SULT1A1: variants seen among roughly 807,000 people sequenced by gnomAD.
SULT1A1 encodes the protein sulfotransferase 1A1.
A neutral mutation model predicts 36.8 loss-of-function variants in SULT1A1; 35 were observed. The ratio of observed to expected loss-of-function variants is 0.95; its 90% CI spans 0.73 to 1.26. SULT1A1 has a LOEUF of 1.26. SULT1A1 is among the 50% of genes most tolerant of loss of function. The pLI, the probability that SULT1A1 is intolerant of heterozygous loss-of-function variation, is 0.00. For missense variants in SULT1A1, 309 were observed against 383.0 expected (o/e 0.81, Z 1.61); for synonymous variants, 119 against 146.0 (o/e 0.82, Z 1.33).
intron 1 of SULT1A1, 153 bp from the exon 2 acceptor site, chr16:28,609,012 A>C: frequency 6.5e-7 from 1 of 1,540,372 alleles, no homozygotes; most frequent in South Asian, 1.2e-5. Context: ...GCTGGGGCTG[A>C]AAACCAGGTC....
intron 1 of SULT1A1, among the ~76,000 whole-genome samples, chr16:28,622,069 T>C (rs2047667114): frequency 6.6e-6 from 1 of 152,198 alleles, no homozygotes. Context: ...GGAGAAGCTA[T>C]AGCTTCATGA....
intron 2 of SULT1A1, 26 bp from the exon 3 acceptor site, chr16:28,608,629 G>T (rs768429034): frequency 4.3e-6 from 7 of 1,611,484 alleles, no homozygotes; most frequent in Non-Finnish European, 5.1e-6. Context: ...GATGGGAGGT[G>T]AGCAGGCTGA....
chr16:28,616,519 C>T (rs1354423118), intron 2 of SULT1A1, among the ~76,000 whole-genome samples: 1 of 152,134 alleles, frequency 6.6e-6, no homozygotes, highest in African/African-American at 2.4e-5. Flanking sequence ...AACTCCTGAC[C>T]TCAAGTGATC....
At chr16:28,609,534 C>T (rs2047366813) in intron 1 of SULT1A1, 1 of 678,492 alleles carries the variant, frequency 1.5e-6, no homozygotes, top group Non-Finnish European at 2.2e-6. Context: ...GAGGCTGAGG[C>T]CAGGAGTTGG....
intron 2 of SULT1A1, among the ~76,000 whole-genome samples, chr16:28,616,208 C>T (rs1041736331): frequency 4.6e-5 from 7 of 152,012 alleles, no homozygotes; most frequent in African/African-American, 7.3e-5. Flanking sequence ...GATTATTGAG[C>T]GAGGGTTATT....
At chr16:28,609,344 A>T (rs752833575) in intron 1 of SULT1A1, 1 of 1,290,558 alleles carries the variant, frequency 7.7e-7, no homozygotes, top group Non-Finnish European at 1.0e-6. Context: ...CAGGCCAGCC[A>T]GGCCTGTGAT....
At chr16:28,609,053 C>G in intron 1 of SULT1A1, 194 bp from the exon 2 acceptor site, 3 of 1,473,894 alleles carry the variant, frequency 2.0e-6, no homozygotes, top group Non-Finnish European at 2.7e-6. Flanking sequence ...CCCAGCCTGG[C>G]CTCACCTTTC....
chr16:28,619,973 T>C (rs2047618350), intron 2 of SULT1A1: 2 of 1,161,048 alleles, frequency 1.7e-6, no homozygotes, highest in African/African-American at 1.6e-5. Context: ...ATTGTATATG[T>C]ATATATATTG....
chr16:28,617,396 C>T (rs775668390), intron 2 of SULT1A1, among the ~76,000 whole-genome samples: 1 of 152,158 alleles, frequency 6.6e-6, no homozygotes, highest in African/African-American at 2.4e-5. Flanking sequence ...CATTTCTCAT[C>T]GAACTCTAGT....
upstream of SULT1A1, chr16:28,610,519 C>T (rs2047411374): frequency 3.3e-6 from 1 of 306,058 alleles, no homozygotes; most frequent in South Asian, 2.7e-5. Context: ...CCATGCACTC[C>T]AGGCTCTGAC....
upstream of SULT1A1, chr16:28,610,777 A>C (rs1391064155): frequency 6.5e-6 from 1 of 152,806 alleles, no homozygotes; most frequent in Non-Finnish European, 1.5e-5. Flanking sequence ...AGACCAGAGG[A>C]GGCCGAGGTT....
chr16:28,609,023 G>C, intron 1 of SULT1A1, 164 bp from the exon 2 acceptor site: 3 of 1,521,032 alleles, frequency 2.0e-6, no homozygotes, highest in South Asian at 1.3e-5. Context: ...AAACCAGGTC[G>C]GGCTCTAATG....
intron 3 of SULT1A1, 44 bp downstream of exon 3, chr16:28,608,434 C>T (rs2047309188): frequency 6.2e-7 from 1 of 1,612,444 alleles, no homozygotes; most frequent in Non-Finnish European, 8.5e-7. Context: ...AGCCCCAGCC[C>T]TGTCTTCCTC....
intron 2 of SULT1A1, among the ~76,000 whole-genome samples, chr16:28,616,442 A>G (rs1003785232): frequency 2.6e-5 from 4 of 152,058 alleles, no homozygotes; most frequent in Non-Finnish European, 4.4e-5. Flanking sequence ...GTGCGCCACC[A>G]TGCCTGGCTA....
intron 1 of SULT1A1, among the ~76,000 whole-genome samples, chr16:28,621,781 C>T (rs1371991403): frequency 6.6e-6 from 1 of 152,018 alleles, no homozygotes; most frequent in East Asian, 1.9e-4. Flanking sequence ...TCCCCAGTTA[C>T]CCACCCCATC....
chr16:28,620,801 A>G (rs1458838367), intron 1 of SULT1A1, among the ~76,000 whole-genome samples: 1 of 152,064 alleles, frequency 6.6e-6, no homozygotes, highest in Non-Finnish European at 1.5e-5. Context: ...TTGAAATTTT[A>G]ATTTCTATCT....
exon 2 of SULT1A1, chr16:28,620,127 C>T (rs769958483): frequency 2.5e-6 from 4 of 1,612,784 alleles, no homozygotes; most frequent in Non-Finnish European, 3.4e-6. Flanking sequence ...CTGGAGAATG[C>T]TCATACCTAT....
chr16:28,610,251 G>A (rs2047395911), upstream of SULT1A1: 6 of 585,348 alleles, frequency 1.0e-5, no homozygotes, highest in South Asian at 1.1e-4. Context: ...GTTTTTGTAG[G>A]TTTTTTTTTT....
At chr16:28,617,211 T>C (rs2047563305) in intron 2 of SULT1A1, among the ~76,000 whole-genome samples, 1 of 151,994 alleles carries the variant, frequency 6.6e-6, no homozygotes, top group South Asian at 2.1e-4. Flanking sequence ...TGAGGTTTCA[T>C]CGTCATATTG....
Sources: gnomAD v4.1 joint callset for allele counts (sites outside exome capture counted in the v4.1 genomes callset) on GRCh38, gnomAD v4.1.1 for gene constraint, MANE v1.5 for transcripts, NCBI Gene and HGNC (gene_info 2026-07-23, HGNC 2026-07-21) for gene names.